Variants in PARD3B observed in about 807,000 individuals in gnomAD.
The protein encoded by PARD3B is par-3 family cell polarity regulator beta, also known as partitioning defective 3 homolog B.
Under a neutral mutation model 130.2 loss-of-function variants are expected in PARD3B, and 103 were observed. That is an observed-to-expected ratio of 0.79 (90% CI 0.67 to 0.93). PARD3B has a LOEUF of 0.93. PARD3B is among the 40% of genes least tolerant of loss of function. The probability of loss-of-function intolerance (pLI) is 0.00; values close to 1 mark genes in which losing one functional copy is unlikely to be tolerated. For synonymous variants in PARD3B, 583 were observed against 553.2 expected, an observed-to-expected ratio of 1.05 and a Z score of -0.76; for missense variants, 1,609 against 1,499.2, an observed-to-expected ratio of 1.07 and a Z score of -1.21.
intron 3 of PARD3B, among the ~76,000 whole-genome samples, chr2:204,981,358 A>T (rs780129370): frequency 1.3e-5 from 2 of 152,214 alleles, no homozygotes; most frequent in Non-Finnish European, 2.9e-5. Flanking sequence ...TGGTGTATGC[A>T]TACAATGGAA....
intron 3 of PARD3B, among the ~76,000 whole-genome samples, chr2:204,989,622 T>C (rs1313202643): frequency 3.9e-5 from 6 of 152,264 alleles, no homozygotes; most frequent in Admixed American, 1.3e-4. Flanking sequence ...TCCTTTGCTT[T>C]TCTTTATAAT....
At chr2:204,773,295 C>A (rs1464937701) in intron 2 of PARD3B, among the ~76,000 whole-genome samples, 2 of 151,680 alleles carry the variant, frequency 1.3e-5, no homozygotes, top group East Asian at 3.9e-4. Context: ...CATACTAGAC[C>A]TTACTTTGCT....
intron 2 of PARD3B, among the ~76,000 whole-genome samples, chr2:204,686,488 C>A (rs543929468): frequency 6.6e-6 from 1 of 152,252 alleles, no homozygotes; most frequent in African/African-American, 2.4e-5. Context: ...TTTGTGTTGG[C>A]CTAATTAGCA....
intron 3 of PARD3B, among the ~76,000 whole-genome samples, chr2:205,045,112 G>GTTTTTTTTTTTT (rs201589277): frequency 7.2e-6 from 1 of 138,584 alleles, no homozygotes. Context: ...CCATCTTAAA[G>GTTTTTTTTTTTT]TTTTTTTTTT....
chr2:205,375,855 C>T (rs1270893654), intron 18 of PARD3B, among the ~76,000 whole-genome samples: 1 of 152,060 alleles, frequency 6.6e-6, no homozygotes, highest in African/African-American at 2.4e-5. Context: ...GAAACAAGCC[C>T]TTTTAAATGT....
At chr2:205,020,338 A>G (rs1696500375) in intron 3 of PARD3B, among the ~76,000 whole-genome samples, 1 of 152,020 alleles carries the variant, frequency 6.6e-6, no homozygotes, top group South Asian at 2.1e-4. Flanking sequence ...ACATTATTTT[A>G]TATGTGGTTT....
At chr2:204,941,686 G>C (rs1344283249) in intron 2 of PARD3B, among the ~76,000 whole-genome samples, 4 of 152,162 alleles carry the variant, frequency 2.6e-5, no homozygotes, top group Non-Finnish European at 5.9e-5. Context: ...AAATTTTCCA[G>C]ACAGATATAT....
intron 18 of PARD3B, among the ~76,000 whole-genome samples, chr2:205,389,503 C>T (rs2045776420): frequency 6.6e-6 from 1 of 152,186 alleles, no homozygotes. Context: ...GCTGGGATTA[C>T]AGGCACATGC....
intron 18 of PARD3B, among the ~76,000 whole-genome samples, chr2:205,400,080 G>C (rs1234109104): frequency 1.3e-5 from 2 of 152,106 alleles, no homozygotes; most frequent in Admixed American, 6.5e-5. Context: ...GTAATTCCAG[G>C]AGTTTACCTT....
chr2:204,601,789 C>T (rs911368768), intron 1 of PARD3B, among the ~76,000 whole-genome samples: 4 of 151,958 alleles, frequency 2.6e-5, no homozygotes, highest in Non-Finnish European at 5.9e-5. Context: ...TGGAAGTAAT[C>T]TTGAGTAGTT....
intron 4 of PARD3B, among the ~76,000 whole-genome samples, chr2:205,103,250 A>AAT (rs1431773569): frequency 0.051 from 3,910 of 77,340 alleles, 325 homozygotes; most frequent in Middle Eastern, 0.075. Flanking sequence ...ATTTATGTAA[A>AAT]AAACATTTTA....
chr2:205,072,660 G>A (rs553877079), intron 4 of PARD3B, among the ~76,000 whole-genome samples: 3 of 152,180 alleles, frequency 2.0e-5, no homozygotes, highest in Non-Finnish European at 2.9e-5. Flanking sequence ...CATTTTCTTG[G>A]TAAAACTTAT....
intron 16 of PARD3B, among the ~76,000 whole-genome samples, chr2:205,256,975 T>G (rs2040114368): frequency 6.6e-6 from 1 of 152,156 alleles, no homozygotes; most frequent in Non-Finnish European, 1.5e-5. Context: ...CCCTTGTCAA[T>G]TTTTGGTATC....
At chr2:204,962,842 T>G (rs1363610012) in intron 2 of PARD3B, among the ~76,000 whole-genome samples, 1 of 152,208 alleles carries the variant, frequency 6.6e-6, no homozygotes, top group Non-Finnish European at 1.5e-5. Context: ...GACTTTTTCA[T>G]CCATTCACCA....
intron 21 of PARD3B, among the ~76,000 whole-genome samples, chr2:205,531,950 T>G (rs2051615763): frequency 6.6e-6 from 1 of 152,144 alleles, no homozygotes; most frequent in Non-Finnish European, 1.5e-5. Flanking sequence ...TTTCTGTTTT[T>G]TTTTTCCTTG....
intron 13 of PARD3B, among the ~76,000 whole-genome samples, chr2:205,185,329 AT>A (rs778722648): frequency 6.6e-6 from 1 of 152,062 alleles, no homozygotes; most frequent in African/African-American, 2.4e-5. Flanking sequence ...CTATATCGTG[AT>A]TTTTTAAAAG....
chr2:204,852,952 T>G (rs2044769092), intron 2 of PARD3B, among the ~76,000 whole-genome samples: 1 of 152,176 alleles, frequency 6.6e-6, no homozygotes, highest in African/African-American at 2.4e-5. Context: ...TATATGGTAT[T>G]TCTCAATTCT....
intron 22 of PARD3B, among the ~76,000 whole-genome samples, chr2:205,560,905 C>T (rs3732094): frequency 0.56 from 85,111 of 151,962 alleles, 24,400 homozygotes; most frequent in Middle Eastern, 0.73. Context: ...CCGGTGTTTC[C>T]GCATTGGGTA....
At chr2:204,831,699 C>CATT (rs1553536500) in intron 2 of PARD3B, among the ~76,000 whole-genome samples, 3 of 152,004 alleles carry the variant, frequency 2.0e-5, no homozygotes, top group African/African-American at 7.2e-5. Flanking sequence ...AAACCCTTCT[C>CATT]GTAGTTGTTT....
Sources: allele counts gnomAD v4.1 joint callset (sites outside exome capture counted in the v4.1 genomes callset), GRCh38; gene constraint gnomAD v4.1.1; transcripts MANE v1.5; gene names NCBI Gene and HGNC (gene_info 2026-07-23, HGNC 2026-07-21).